The following TTF2 variants were observed in gnomAD, a reference collection of about 807,000 sequenced individuals.
The protein encoded by TTF2 is transcription termination factor 2.
TTF2 carries 108 observed loss-of-function variants against 142.4 expected under a neutral mutation model. The observed-to-expected ratio is 0.76, with a 90% confidence interval of 0.65 to 0.89. The LOEUF (loss-of-function observed/expected upper bound fraction) is 0.89, where lower values mean the gene tolerates loss of function less well. Ranked by LOEUF, TTF2 falls within the 40% of genes least tolerant of loss-of-function variation. TTF2 has a pLI of 0.00. For synonymous variants in TTF2, 483 were observed against 506.2 expected, an observed-to-expected ratio of 0.95 and a Z score of 0.61; for missense variants, 1,327 against 1,379.8, an observed-to-expected ratio of 0.96 and a Z score of 0.61.
At position 117,096,230 on chromosome 1, in the gene TTF2, C is replaced by T. The variant is rs144499382; in HGVS notation, c.3117C>T (p.Ile1039=). Residue 1039 remains isoleucine (I), a synonymous_variant, in exon 20 of 23, where the codon ATC becomes ATT. Coordinates refer to ENST00000369466, the MANE Select transcript of TTF2 (RefSeq NM_003594.4). ...LKKHGLTYAT[I]DGSVNPKQRM... ...AGCATGGACTGACTTATGCCACCATCGATGGCTCTGTCAATCCCAAGCAGA... is the reference window on the plus strand; with the variant it reads ...AGCATGGACTGACTTATGCCACCATTGATGGCTCTGTCAATCCCAAGCAGA... 1.8e-4 allele frequency: 291 copies of T among 1,614,044 alleles called. No individual in the cohort carries two copies. Among genetic ancestry groups the T allele is most frequent in the Non-Finnish European group, 2.2e-4 (261 of 1,179,970 alleles).
intron 20 of TTF2, among the ~76,000 whole-genome samples, chr1:117,096,618 T>C (rs1174570502): frequency 6.6e-6 from 1 of 152,228 alleles, no homozygotes; most frequent in African/African-American, 2.4e-5. Flanking sequence ...CCTCAGGTGA[T>C]CCACCTGCCT....
chr1:117,089,028 C>T (rs1162269431), intron 13 of TTF2, 46 bp downstream of exon 13: 7 of 1,529,124 alleles, frequency 4.6e-6, no homozygotes, highest in South Asian at 2.6e-5. Flanking sequence ...CTGTCTGTAT[C>T]CCTTCATCAT....
Position 117,063,238 on chromosome 1 carries a change from C to T in TTF2, c.218+765C>T, listed in dbSNP as rs1655826392. On this transcript the variant is annotated intron_variant, in intron 3 of 22. Coordinates refer to ENST00000369466, the MANE Select transcript of TTF2 (RefSeq NM_003594.4). This position sits in a 1 kb window ranked among gnomAD's most constrained non-coding sequence, Gnocchi z 4.1. ...ATATACCTGAGTACTGTTCATACTT[C>T]TATTTTTCTTAATTTAGTTATATGT... 1.3e-5 allele frequency among the ~76,000 whole-genome samples: 2 copies of T among 152,224 alleles called. No homozygotes were observed. Among genetic ancestry groups the T allele is most frequent in the African/African-American group, 4.8e-5 (2 of 41,542 alleles).
At position 117,079,688 on chromosome 1, in the gene TTF2, C is replaced by T. The variant is rs1338763018; in HGVS notation, c.1783+39C>T. The T allele has an allele frequency of 1.9e-6, 3 of 1,582,414 alleles. No individual in the cohort carries two copies. Among genetic ancestry groups the T allele is most frequent in the East Asian group, 2.2e-5 (1 of 44,768 alleles). ...TATAAGAGTCAGCCTTTATTGAATG[C>T]TTAGGCATTGTGCTAAACACGTAGT... is the stretch of plus-strand genomic sequence containing the variant. On this transcript the variant is annotated intron_variant, in intron 9 of 22. Transcript: ENST00000369466. This position sits in a 1 kb window ranked among gnomAD's most constrained non-coding sequence, Gnocchi z 4.2.
At position 117,070,617 on chromosome 1, in the gene TTF2, G is replaced by A. The variant is rs1656498450; in HGVS notation, c.219-3044G>A. Among the ~76,000 whole-genome samples the A allele has an allele frequency of 6.6e-6, 1 of 152,154 alleles. No individual in the cohort carries two copies. Among genetic ancestry groups the A allele is most frequent in the Admixed American group, 6.5e-5 (1 of 15,284 alleles). On this transcript the variant is annotated intron_variant, in intron 3 of 22. Coordinates refer to ENST00000369466, the MANE Select transcript of TTF2 (RefSeq NM_003594.4). The surrounding 1 kb of genome is among the most constrained non-coding windows in gnomAD (Gnocchi z 4.2). ...AGGAGTTTGTTCTTGATTTATTTCT[G>A]TAAGTAGTAGCACCCACTGATGGCA...
intron 20 of TTF2, among the ~76,000 whole-genome samples, chr1:117,096,867 A>C (rs1245273056): frequency 1.3e-5 from 2 of 152,242 alleles, no homozygotes; most frequent in African/African-American, 2.4e-5. Context: ...TTTGCAGAGG[A>C]GGCAAGCTTT....
rs1026605184 is a variant in TTF2, at chr1:117,102,150, G to GA, written c.*634dup. ...CAGTGAGACCCTGTCTCAAAAAAAG[G>GA]AAAAAAAAGCTCAAAAAGTTCTGTG... On this transcript the variant is annotated 3_prime_UTR_variant, in exon 23 of 23. Transcript: ENST00000369466. The GA allele has an allele frequency of 2.6e-5, 4 of 151,952 alleles. No individual in the cohort carries two copies. The highest frequency in any genetic ancestry group is 2.1e-4 in the South Asian group (1 of 4,812). The allele number at this position is 151,952 out of a possible 1,614,324, so 9.4% of individuals were successfully genotyped here.
chr1:117,104,608 G>A lies in TTF2; in HGVS notation c.*3084G>A, dbSNP rs1177311316. 1 of 152,180 alleles carries A rather than the reference G, an allele frequency of 6.6e-6. No homozygotes were observed. Among genetic ancestry groups the A allele is most frequent in the Non-Finnish European group, 1.5e-5 (1 of 68,046 alleles). The allele number at this position is 152,180 out of a possible 1,614,324, so 9.4% of individuals were successfully genotyped here. ...AGCAAAGCAACCTAGTTATGTCTTG[G>A]GTAGGTGTTCTTATAGCCGTGAGAT... On this transcript the variant is annotated 3_prime_UTR_variant, in exon 23 of 23. Transcript: ENST00000369466.
chr1:117,092,919 T>G lies in TTF2; in HGVS notation c.2976+18T>G. The G allele has an allele frequency of 6.2e-7, 1 of 1,613,838 alleles. No individual in the cohort carries two copies. Among genetic ancestry groups the G allele is most frequent in the South Asian group, 1.1e-5 (1 of 91,028 alleles). ...GCACCAAGGTACTTTTTGTCTCCTC[T>G]GTAGTAGTCGAGAGACTTCGATTCC... is the stretch of plus-strand genomic sequence containing the variant. On this transcript the variant is annotated intron_variant, in intron 18 of 22. Transcript: ENST00000369466. This position sits in a 1 kb window ranked among gnomAD's most constrained non-coding sequence, Gnocchi z 4.4.
At chr1:117,081,998 C>T (rs776252478) in intron 10 of TTF2, 51 bp downstream of exon 10, 6 of 1,612,640 alleles carry the variant, frequency 3.7e-6, no homozygotes, top group Non-Finnish European at 5.1e-6. Context: ...ATTTGAGCCA[C>T]CCAAGAGGGG....
intron 2 of TTF2, among the ~76,000 whole-genome samples, chr1:117,061,822 A>G (rs1655705973): frequency 6.6e-6 from 1 of 152,244 alleles, no homozygotes; most frequent in Admixed American, 6.5e-5. Context: ...GATAACCAAT[A>G]TACAGGCCAA....
At chr1:117,088,543 A>G (rs1648245027) in intron 12 of TTF2, among the ~76,000 whole-genome samples, 1 of 152,204 alleles carries the variant, frequency 6.6e-6, no homozygotes, top group Non-Finnish European at 1.5e-5. Flanking sequence ...ATCTCAAAAA[A>G]AAAAAGGAAA....
At position 117,090,739 on chromosome 1, in the gene TTF2, G is replaced by A. The variant is rs1648498795; in HGVS notation, c.2588+116G>A. 2 of 820,488 alleles carry A rather than the reference G, an allele frequency of 2.4e-6. No homozygotes were observed. Among genetic ancestry groups the A allele is most frequent in the Non-Finnish European group, 3.8e-6 (2 of 521,096 alleles). 50.8% of individuals were successfully genotyped at this position (820,488 alleles called of 1,614,324 possible). The stretch of plus-strand genomic sequence containing the variant: ...TTATGGCATTATTGATTAGTTGGAT[G>A]TCTGTATTCCCTTTTTTTTTTTACC... On this transcript the variant is annotated intron_variant, in intron 15 of 22. Coordinates refer to ENST00000369466, the MANE Select transcript of TTF2 (RefSeq NM_003594.4). The surrounding 1 kb of genome is among the most constrained non-coding windows in gnomAD (Gnocchi z 4.8).
At chr1:117,068,629 C>A (rs950328750) in intron 3 of TTF2, among the ~76,000 whole-genome samples, 6 of 151,826 alleles carry the variant, frequency 4.0e-5, no homozygotes, top group African/African-American at 1.5e-4. Context: ...TTTTAATAAC[C>A]CTTGAAACTT....
At chr1:117,082,057 A>G (rs755001252) in intron 10 of TTF2, 110 bp downstream of exon 10, 4 of 1,497,496 alleles carry the variant, frequency 2.7e-6, no homozygotes, top group Non-Finnish European at 3.7e-6. Context: ...TAATTACTCT[A>G]CTGGAAAACC....
chr1:117,079,571 CCTTTGCTA>C lies in TTF2; in HGVS notation c.1708_1715del (p.Leu570ThrfsTer25). ...ATTTGGTTATTACCTTTGTCAGGTC[CCTTTGCTA>C]CTACACCAGAAGCAGGCATTGGCTT... is the stretch of plus-strand genomic sequence containing the variant. On this transcript the variant is annotated frameshift_variant, in exon 9 of 23. Transcript: ENST00000369466. LOFTEE classifies it high-confidence loss of function. This position sits in a 1 kb window ranked among gnomAD's most constrained non-coding sequence, Gnocchi z 4.2. 6.2e-7 allele frequency: 1 copy of C among 1,614,148 alleles called. No homozygotes were observed. Among genetic ancestry groups the C allele is most frequent in the African/African-American group, 1.3e-5 (1 of 75,048 alleles).
At chr1:117,060,914 A>C (rs1655624849) in intron 2 of TTF2, among the ~76,000 whole-genome samples, 1 of 152,120 alleles carries the variant, frequency 6.6e-6, no homozygotes, top group African/African-American at 2.4e-5. Flanking sequence ...GAGTAAGGAC[A>C]CACAGCAGAC....
At chr1:117,081,591 A>C (rs1312687815) in intron 9 of TTF2, among the ~76,000 whole-genome samples, 1 of 152,230 alleles carries the variant, frequency 6.6e-6, no homozygotes, top group Non-Finnish European at 1.5e-5. Context: ...TGTAAGTTTT[A>C]AATTTTACAA....
rs12138726 is a variant in TTF2, at chr1:117,087,038, G to A, written c.2160+516G>A. Among the ~76,000 whole-genome samples the A allele has an allele frequency of 0.16, 24,196 of 152,112 alleles. 2,238 individuals carry two copies. Among genetic ancestry groups the A allele is most frequent in the Middle Eastern group, 0.22 (66 of 294 alleles). ...TTCTAGGGTGTCCAGGGCAGCCTCA[G>A]TTATGTGATGTAGAGGCTTTATCAT... On this transcript the variant is annotated intron_variant, in intron 12 of 22. Coordinates refer to ENST00000369466, the MANE Select transcript of TTF2 (RefSeq NM_003594.4). This position sits in a 1 kb window ranked among gnomAD's most constrained non-coding sequence, Gnocchi z 4.8.
Sources: gnomAD v4.1 joint callset for allele counts (sites outside exome capture counted in the v4.1 genomes callset) on GRCh38, gnomAD v4.1.1 for gene constraint, Gnocchi (gnomAD v3.1) non-coding constraint, MANE v1.5 for transcripts, NCBI Gene and HGNC (gene_info 2026-07-23, HGNC 2026-07-21) for gene names.